RBFOX1: variants seen among roughly 807,000 people sequenced by gnomAD.
RBFOX1 encodes RNA binding protein fox-1 homolog 1.
Under a neutral mutation model 57.7 loss-of-function variants are expected in RBFOX1, and 8 were observed. The observed-to-expected ratio is 0.14, with a 90% CI of 0.08 to 0.25. The LOEUF (loss-of-function observed/expected upper bound fraction) is 0.25. RBFOX1 is among the 10% of genes least tolerant of loss of function. The probability of loss-of-function intolerance (pLI) is 1.00; values close to 1 mark genes in which losing one functional copy is unlikely to be tolerated. For synonymous variants in RBFOX1, 326 were observed against 222.4 expected (o/e 1.47, Z -4.15); for missense variants, 611 against 548.5 (o/e 1.11, Z -1.14).
chr16:7,213,875 C>T (rs1278525195), intron 4 of RBFOX1, among the ~76,000 whole-genome samples: 1 of 152,156 alleles, frequency 6.6e-6, no homozygotes, highest in Non-Finnish European at 1.5e-5. Flanking sequence ...GGGAACGACT[C>T]AAAGACAGCT....
chr16:7,450,990 C>G (rs566379174), intron 4 of RBFOX1, among the ~76,000 whole-genome samples: 6 of 152,314 alleles, frequency 3.9e-5, no homozygotes, highest in South Asian at 2.1e-4. Context: ...CCTTCAATCA[C>G]TGTTCTGATT....
chr16:5,247,517 A>G (rs1350919214), intron 1 of RBFOX1, among the ~76,000 whole-genome samples: 1 of 152,162 alleles, frequency 6.6e-6, no homozygotes, highest in Non-Finnish European at 1.5e-5. Context: ...GGTCTACAAG[A>G]TGGATGGGTC....
At chr16:7,431,060 A>C (rs1294371503) in intron 4 of RBFOX1, among the ~76,000 whole-genome samples, 1 of 152,198 alleles carries the variant, frequency 6.6e-6, no homozygotes, top group East Asian at 1.9e-4. Flanking sequence ...GCTTTCTACT[A>C]AGGCACAGGC....
At chr16:5,386,786 C>T (rs914657445) in intron 1 of RBFOX1, among the ~76,000 whole-genome samples, 13 of 152,182 alleles carry the variant, frequency 8.5e-5, no homozygotes, top group African/African-American at 2.9e-4. Context: ...CGTGGTGGCT[C>T]ACACCTGTAA....
intron 2 of RBFOX1, among the ~76,000 whole-genome samples, chr16:6,607,388 C>T (rs11077055): frequency 0.58 from 87,501 of 151,734 alleles, 27,999 homozygotes; most frequent in Admixed American, 0.71. Context: ...TTCCAGTTAT[C>T]ATAAGCAGTT....
At chr16:7,202,612 C>A (rs1240611730) in intron 4 of RBFOX1, among the ~76,000 whole-genome samples, 1 of 152,210 alleles carries the variant, frequency 6.6e-6, no homozygotes, top group Non-Finnish European at 1.5e-5. Flanking sequence ...TACAGCCACT[C>A]CTCATTGCTT....
intron 4 of RBFOX1, among the ~76,000 whole-genome samples, chr16:7,321,754 A>G (rs778225801): frequency 2.6e-5 from 4 of 152,368 alleles, no homozygotes; most frequent in Non-Finnish European, 5.9e-5. Flanking sequence ...AGAGCCAGAA[A>G]GGAAATGAGG....
At chr16:7,055,066 T>A (rs538156798) in intron 4 of RBFOX1, among the ~76,000 whole-genome samples, 13 of 152,186 alleles carry the variant, frequency 8.5e-5, no homozygotes. Context: ...GCTTAATATC[T>A]TGAAGATATT....
At chr16:7,247,110 G>T (rs1211522441) in intron 4 of RBFOX1, among the ~76,000 whole-genome samples, 1 of 152,174 alleles carries the variant, frequency 6.6e-6, no homozygotes, top group African/African-American at 2.4e-5. Flanking sequence ...CTGCAGGTCA[G>T]CTGGCCCTCA....
intron 1 of RBFOX1, among the ~76,000 whole-genome samples, chr16:5,461,605 C>T (rs2068790125): frequency 6.6e-6 from 1 of 152,174 alleles, no homozygotes; most frequent in African/African-American, 2.4e-5. Context: ...CCTTGCCTGT[C>T]CCATATTTCT....
Position 5,297,601 on chromosome 16 carries a change from G to A in RBFOX1, c.219+57496G>A, listed in dbSNP as rs548274457. On this transcript the variant is annotated intron_variant, in intron 1 of 2. Coordinates refer to the RBFOX1 transcript ENST00000585867. ...TTTTGAGTTGTTTTCTTACTATTGA[G>A]TTGAGTTCTTTATATGTTTTGGAGT... is the stretch of plus-strand genomic sequence containing the variant. Among the ~76,000 whole-genome samples the A allele has an allele frequency of 3.3e-5, 5 of 152,170 alleles. No individual in the cohort carries two copies. In the East Asian group the frequency reaches 9.7e-4, roughly 29 times the overall value.
At chr16:6,161,786 C>T (rs1321878142) in intron 1 of RBFOX1, among the ~76,000 whole-genome samples, 1 of 152,160 alleles carries the variant, frequency 6.6e-6, no homozygotes, top group Non-Finnish European at 1.5e-5. Context: ...TTGAAATTTC[C>T]GTGCTTTGTG....
At chr16:7,368,162 G>C (rs1289497712) in intron 4 of RBFOX1, among the ~76,000 whole-genome samples, 48 of 151,954 alleles carry the variant, frequency 3.2e-4, no homozygotes, top group Admixed American at 3.1e-3. Flanking sequence ...AGCTACTTGG[G>C]AGGCTGAGGC....
At chr16:7,308,898 G>A (rs1479367242) in intron 4 of RBFOX1, among the ~76,000 whole-genome samples, 1 of 152,192 alleles carries the variant, frequency 6.6e-6, no homozygotes. Flanking sequence ...TACTTACCTT[G>A]TGTTACTCCA....
chr16:6,501,514 C>T (rs903557085), intron 2 of RBFOX1, among the ~76,000 whole-genome samples: 2 of 151,920 alleles, frequency 1.3e-5, no homozygotes, highest in Admixed American at 6.6e-5. Flanking sequence ...GTATATGTGC[C>T]ACATTTTCTT....
At position 6,454,909 on chromosome 16, in the gene RBFOX1, C is replaced by T. The variant is rs5026400; in HGVS notation, c.-64+137852C>T. 1.5e-5 allele frequency among the ~76,000 whole-genome samples: 2 copies of T among 129,760 alleles called. 1 individual carries two copies. Among genetic ancestry groups the T allele is most frequent in the African/African-American group, 5.9e-5 (2 of 33,902 alleles). The allele number at this position is 129,760 out of a possible 152,430, so 85.1% of individuals were successfully genotyped here. A position where few individuals can be genotyped will look rare whatever the true frequency, so the allele number is the denominator to read the frequency against. On this transcript the variant is annotated intron_variant, in intron 2 of 15. Transcript: ENST00000550418. ...TTTTTTTTTTTTTTTTTTGAGTTGG[C>T]GTCTCGCCCTGTCACCCAGGCTGGA...
chr16:6,285,532 A>G (rs1432203399), intron 1 of RBFOX1, among the ~76,000 whole-genome samples: 1 of 152,178 alleles, frequency 6.6e-6, no homozygotes, highest in East Asian at 1.9e-4. Flanking sequence ...TGCTGATTCC[A>G]TGCACAAGGA....
At chr16:5,456,945 T>G (rs574961149) in intron 1 of RBFOX1, among the ~76,000 whole-genome samples, 1 of 152,166 alleles carries the variant, frequency 6.6e-6, no homozygotes, top group African/African-American at 2.4e-5. Context: ...CTTAGTCCGT[T>G]TGGGCTGCTA....
At chr16:5,817,701 T>G (rs796842483) in intron 3 of RBFOX1, among the ~76,000 whole-genome samples, 2 of 55,366 alleles carry the variant, frequency 3.6e-5, no homozygotes, top group African/African-American at 8.7e-5. Context: ...TGGGCTGTAT[T>G]TTTTTTTTTT....
Sources: allele counts gnomAD v4.1 joint callset (sites outside exome capture counted in the v4.1 genomes callset), GRCh38; gene constraint gnomAD v4.1.1; transcripts MANE v1.5; gene names NCBI Gene and HGNC (gene_info 2026-07-23, HGNC 2026-07-21).